Variants in TGM1 observed in about 807,000 individuals in gnomAD.
TGM1 encodes the protein transglutaminase 1.
Under a neutral mutation model 88.7 loss-of-function variants are expected in TGM1, and 63 were observed. The ratio of observed to expected loss-of-function variants is 0.71; its 90% confidence interval spans 0.58 to 0.88. The LOEUF (loss-of-function observed/expected upper bound fraction) is 0.88, where lower values mean the gene tolerates loss of function less well. Ranked by LOEUF, TGM1 falls within the 40% of genes least tolerant of loss-of-function variation. The pLI is 0.00. For synonymous variants in TGM1, 415 were observed against 431.1 expected (o/e 0.96, Z 0.46); for missense variants, 996 against 1,118.0 (o/e 0.89, Z 1.56).
intron 8 of TGM1, 60 bp from the exon 9 acceptor site, chr14:24,258,448 C>A: frequency 6.2e-7 from 1 of 1,611,920 alleles, no homozygotes; most frequent in African/African-American, 1.3e-5. Flanking sequence ...CCTCAGTTTC[C>A]CCAGCCTCCC....
At chr14:24,249,594 AG>A (rs2040684102) in intron 14 of TGM1, 53 bp from the exon 15 acceptor site, 2 of 1,499,116 alleles carry the variant, frequency 1.3e-6, no homozygotes, top group Admixed American at 3.6e-5. Context: ...TGGAGTGGGG[AG>A]TAAGAGCTGA....
In TGM1 at chr14:24,260,053, T is replaced by C. The variant is rs1387293922; in HGVS notation, c.763A>G (p.Ile255Val). ...ILFNPWCPED[I>V]VYVDHEDWRQ... The stretch of plus-strand genomic sequence containing the variant: ...CAATCCTCATGGTCCACGTACACAA[T>C]GTCCTCTGTGTCCCCAGAACACACA... The change falls in exon 5 of 15, where the codon ATT becomes GTT. Residue 255 changes from isoleucine to valine, a missense_variant. Coordinates refer to ENST00000206765, the MANE Select transcript of TGM1 (RefSeq NM_000359.3). 6.2e-7 allele frequency: 1 copy of C among 1,612,898 alleles called. No individual in the cohort carries two copies. Among genetic ancestry groups the C allele is most frequent in the Admixed American group, 1.7e-5 (1 of 60,032 alleles).
rs745826502 is a variant in TGM1 at position 24,254,192 on chromosome 14, C to G, written c.2185G>C (p.Glu729Gln). The stretch of plus-strand genomic sequence containing the variant: ...TTGGGCCTCTGTAACCCAGAGCCTT[C>G]GAGCCGGAAGACGACATTGGTGAGG... ...VTLTNVVFRLEGSGLQRPKIL... is the reference protein window; with the variant it reads ...VTLTNVVFRLQGSGLQRPKIL... Residue 729 changes from glutamate (E) to glutamine (Q), a missense_variant, in exon 14 of 15, where the codon GAA becomes CAA. By Grantham distance (29) the Glu-to-Gln change is conservative. Coordinates refer to ENST00000206765, the MANE Select transcript of TGM1 (RefSeq NM_000359.3). 2 of 1,613,456 alleles carry G rather than the reference C, an allele frequency of 1.2e-6. No individual in the cohort carries two copies. Among genetic ancestry groups the G allele is most frequent in the Non-Finnish European group, 1.7e-6 (2 of 1,179,758 alleles).
At chr14:24,261,651 C>G (rs1566380738) in intron 3 of TGM1, 44 bp downstream of exon 3, 2 of 1,613,018 alleles carry the variant, frequency 1.2e-6, no homozygotes, top group East Asian at 4.5e-5. Flanking sequence ...CCTCTCCCCA[C>G]CAAACATAGG....
chr14:24,255,896 C>T lies in TGM1; in HGVS notation c.1491+93G>A. 1.9e-6 allele frequency: 2 copies of T among 1,076,138 alleles called. No individual in the cohort carries two copies. The highest frequency in any genetic ancestry group is 2.8e-6 in the Non-Finnish European group (2 of 714,530). 66.7% of individuals were successfully genotyped at this position (1,076,138 alleles called of 1,614,324 possible). A position where few individuals can be genotyped will look rare whatever the true frequency, so the allele number is the denominator to read the frequency against. The stretch of plus-strand genomic sequence containing the variant: ...ACTGACTTGTATAATGAGTGACTTG[C>T]CCCGGGTCGCAGAGCTGGTCAGTCA... On this transcript the variant is annotated intron_variant, in intron 10 of 14. Transcript: ENST00000206765. This position sits in a 1 kb window ranked among gnomAD's most constrained non-coding sequence, Gnocchi z 4.0.
intron 14 of TGM1, among the ~76,000 whole-genome samples, chr14:24,252,136 G>C (rs2040705924): frequency 6.6e-6 from 1 of 152,166 alleles, no homozygotes; most frequent in Admixed American, 6.5e-5. Flanking sequence ...GAGAGGCAAA[G>C]TACACCCATC....
chr14:24,258,823 G>C, intron 7 of TGM1, 150 bp from the exon 8 acceptor site: 1 of 1,278,992 alleles, frequency 7.8e-7, no homozygotes, highest in South Asian at 1.4e-5. Flanking sequence ...AAGGCCTTTG[G>C]GCTACAGAGC....
At position 24,259,378 on chromosome 14, in the gene TGM1, C is replaced by A; in HGVS notation, c.985-129G>T. On this transcript the variant is annotated intron_variant, in intron 6 of 14. Coordinates refer to ENST00000206765, the MANE Select transcript of TGM1 (RefSeq NM_000359.3). The surrounding 1 kb of genome is among the most constrained non-coding windows in gnomAD (Gnocchi z 5.7). ...ACCCCTAAATGCCTCAGGATCCAGA[C>A]ACCAGCCTGAGCTCCACCCAGCCCT... The A allele has an allele frequency of 2.2e-6, 2 of 924,536 alleles. No homozygotes were observed. Among genetic ancestry groups the A allele is most frequent in the Non-Finnish European group, 3.4e-6 (2 of 588,968 alleles). 57.3% of individuals were successfully genotyped at this position (924,536 alleles called of 1,614,324 possible). A position where few individuals can be genotyped will look rare whatever the true frequency, so the allele number is the denominator to read the frequency against.
rs756648904 is a variant in TGM1, at chr14:24,259,918, ACCCT to A, written c.876+18_876+21del. 1.4e-5 allele frequency: 23 copies of A among 1,612,402 alleles called. No homozygotes were observed. The South Asian group carries it at 2.4e-4, about 17-fold the overall frequency. ...ACCCCAGCTCCTCTGGGTGTATGTGACCCTGGCCAGCCGCACCATACCTGGCCGT... is the reference window on the plus strand; with the variant it reads ...ACCCCAGCTCCTCTGGGTGTATGTGAGGCCAGCCGCACCATACCTGGCCGT... On this transcript the variant is annotated intron_variant, in intron 5 of 14. Transcript: ENST00000206765. The surrounding 1 kb of genome is among the most constrained non-coding windows in gnomAD (Gnocchi z 5.7).
At position 24,254,055 on chromosome 14, in the gene TGM1, T is replaced by C. The variant is rs566962438; in HGVS notation, c.2225+97A>G. ...TGCTTGGTTGGGTCCTGACAGAACA[T>C]ACTTGTCCAGACAGAGAGGGAGCAA... is the stretch of plus-strand genomic sequence containing the variant. On this transcript the variant is annotated intron_variant, in intron 14 of 14. Transcript: ENST00000206765. 7.9e-6 allele frequency: 12 copies of C among 1,525,536 alleles called. No individual in the cohort carries two copies. The African/African-American group carries it at 1.2e-4, about 16-fold the overall frequency. The allele number at this position is 1,525,536 out of a possible 1,614,324, so 94.5% of individuals were successfully genotyped here.
intron 4 of TGM1, 24 bp downstream of exon 4, chr14:24,260,426 C>G: frequency 6.2e-7 from 1 of 1,613,998 alleles, no homozygotes; most frequent in Non-Finnish European, 8.5e-7. Flanking sequence ...CATCTACCCT[C>G]TGCTCCAGAC....
At chr14:24,253,442 G>A (rs1594566017) in intron 14 of TGM1, among the ~76,000 whole-genome samples, 3 of 151,998 alleles carry the variant, frequency 2.0e-5, no homozygotes, top group Non-Finnish European at 4.4e-5. Context: ...GTGTGTGTGT[G>A]TCTCTGTGTG....
chr14:24,255,855 T>G lies in TGM1; in HGVS notation c.1491+134A>C, dbSNP rs570801348. 3 of 820,140 alleles carry G rather than the reference T, an allele frequency of 3.7e-6. No individual in the cohort carries two copies. Among genetic ancestry groups the G allele is most frequent in the Admixed American group, 4.0e-5 (2 of 49,966 alleles). 50.8% of individuals were successfully genotyped at this position (820,140 alleles called of 1,614,324 possible). ...AAGCAAGGCAGCCTTGATTATCCCC[T>G]TTTACAGGTGAGGAAACTGACTTGT... On this transcript the variant is annotated intron_variant, in intron 10 of 14. Coordinates refer to ENST00000206765, the MANE Select transcript of TGM1 (RefSeq NM_000359.3). This position sits in a 1 kb window ranked among gnomAD's most constrained non-coding sequence, Gnocchi z 4.0.
At chr14:24,254,427 C>G in intron 13 of TGM1, 139 bp from the exon 14 acceptor site, 1 of 1,380,490 alleles carries the variant, frequency 7.2e-7, no homozygotes, top group Non-Finnish European at 1.0e-6. Context: ...AGAGAAGATT[C>G]CCCAGAAGTC....
Position 24,254,155 on chromosome 14 carries a change from A to G in TGM1, c.2222T>C (p.Val741Ala), listed in dbSNP as rs758936479. Residue 741 changes from valine to alanine, a missense_variant, in exon 14 of 15, where the codon GTT (valine) becomes GCT (alanine). Physicochemically the swap from Val to Ala is moderately conservative, Grantham distance 64 (BLOSUM62 0). Coordinates refer to ENST00000206765, the MANE Select transcript of TGM1 (RefSeq NM_000359.3). ...SGLQRPKILN[V>A]GDIGGNETVT... Reference sequence around the variant, plus strand: ...TAGGGGGAGAGGCCAGACTCACCCAACGTTGAGGATCTTGGGCCTCTGTAA... The same window carrying G: ...TAGGGGGAGAGGCCAGACTCACCCAGCGTTGAGGATCTTGGGCCTCTGTAA... 68 of 1,610,998 alleles carry G rather than the reference A, an allele frequency of 4.2e-5. No individual in the cohort carries two copies. The highest frequency in any genetic ancestry group is 3.2e-4 in the South Asian group (29 of 90,432).
intron 3 of TGM1, among the ~76,000 whole-genome samples, chr14:24,261,147 G>C (rs1188107535): frequency 1.3e-5 from 2 of 152,172 alleles, no homozygotes; most frequent in Non-Finnish European, 2.9e-5. Flanking sequence ...GAAATTAAAG[G>C]ATGAGGTGGG....
At position 24,249,301 on chromosome 14, in the gene TGM1, C is replaced by A; in HGVS notation, c.*12G>T. 4 of 1,610,888 alleles carry A rather than the reference C, an allele frequency of 2.5e-6. No individual in the cohort carries two copies. The South Asian group carries it at 4.4e-5, about 18-fold the overall frequency. On this transcript the variant is annotated 3_prime_UTR_variant, in exon 15 of 15. Coordinates refer to ENST00000206765, the MANE Select transcript of TGM1 (RefSeq NM_000359.3). ...CTCATCTGACTCCAGTCCCATTGCT[C>A]CTGGCACGGGGCTAAGCTCCACCTC...
In TGM1 at chr14:24,254,133, G is replaced by A. The variant is rs137984692; in HGVS notation, c.2225+19C>T. 1.2e-3 allele frequency: 1,848 copies of A among 1,604,948 alleles called. 21 individuals carry two copies. The African/African-American group carries it at 0.022, about 19-fold the overall frequency. ...AAGGCCAGAGTGGAAGCAGGGGTAG[G>A]GGGAGAGGCCAGACTCACCCAACGT... On this transcript the variant is annotated intron_variant, in intron 14 of 14. Transcript: ENST00000206765.
chr14:24,260,447 C>A lies in TGM1; in HGVS notation c.757+3G>T. The A allele has an allele frequency of 6.2e-7, 1 of 1,614,200 alleles. No individual in the cohort carries two copies. Among genetic ancestry groups the A allele is most frequent in the Non-Finnish European group, 8.5e-7 (1 of 1,180,036 alleles). On this transcript the variant is annotated splice_donor_region_variant and intron_variant, in intron 4 of 14. Transcript: ENST00000206765. ...CCCTCTGCTCCAGACCCCAGCTGCT[C>A]ACCTGGGCACCAGGGGTTGAAGAGG...
Sources: gnomAD v4.1 joint callset for allele counts (sites outside exome capture counted in the v4.1 genomes callset) on GRCh38, gnomAD v4.1.1 for gene constraint, Gnocchi (gnomAD v3.1) non-coding constraint, MANE v1.5 for transcripts, NCBI Gene and HGNC (gene_info 2026-07-23, HGNC 2026-07-21) for gene names.